The following STPG2 variants were observed in gnomAD, a reference collection of about 807,000 sequenced individuals.
STPG2 encodes sperm tail PG-rich repeat containing 2, also known as sperm-tail PG-rich repeat-containing protein 2.
A neutral mutation model predicts 54.2 loss-of-function variants in STPG2; 56 were observed. That is an observed-to-expected ratio of 1.03 (90% CI 0.83 to 1.29). The LOEUF is 1.29. STPG2 is among the 50% of genes most tolerant of loss of function. STPG2 has a pLI of 0.00. For missense variants in STPG2, 596 were observed against 544.9 expected, an observed-to-expected ratio of 1.09 and a Z score of -0.93; for synonymous variants, 200 against 181.8, an observed-to-expected ratio of 1.10 and a Z score of -0.81.
chr4:97,651,054 A>C (rs1508464), intron 10 of STPG2, among the ~76,000 whole-genome samples: 91,098 of 151,732 alleles, frequency 0.6, 27,915 homozygotes, highest in African/African-American at 0.72. Context: ...GTATAGTAAA[A>C]CATTCTTGCT....
chr4:97,794,274 C>T (rs1460510208), intron 9 of STPG2, among the ~76,000 whole-genome samples: 1 of 151,952 alleles, frequency 6.6e-6, no homozygotes, highest in Admixed American at 6.6e-5. Context: ...AAATGCAAAT[C>T]CCTCTCTTAG....
chr4:97,915,382 T>C (rs981500400), intron 8 of STPG2, among the ~76,000 whole-genome samples: 7 of 152,132 alleles, frequency 4.6e-5, no homozygotes, highest in Non-Finnish European at 1.0e-4. Context: ...ATCCATTTTA[T>C]ATAGGGAGAA....
intron 9 of STPG2, among the ~76,000 whole-genome samples, chr4:97,812,231 C>T (rs1727762306): frequency 6.6e-6 from 1 of 151,900 alleles, no homozygotes; most frequent in Non-Finnish European, 1.5e-5. Flanking sequence ...TTACATATTA[C>T]CAGATCTTAC....
intron 8 of STPG2, among the ~76,000 whole-genome samples, chr4:97,872,236 G>T (rs1730016679): frequency 6.6e-6 from 1 of 151,092 alleles, no homozygotes; most frequent in Non-Finnish European, 1.5e-5. Flanking sequence ...GAAGAAAAAA[G>T]GTAAGTGTTA....
At chr4:97,526,915 C>T (rs993688232) in intron 4 of STPG2, among the ~76,000 whole-genome samples, 2 of 151,762 alleles carry the variant, frequency 1.3e-5, no homozygotes, top group Non-Finnish European at 2.9e-5. Context: ...TTTCCCAGCA[C>T]CATTTATTAA....
chr4:97,738,420 T>C (rs1725097548), intron 9 of STPG2, among the ~76,000 whole-genome samples: 7 of 152,048 alleles, frequency 4.6e-5, no homozygotes, highest in South Asian at 2.1e-4. Flanking sequence ...GACTGGCAAA[T>C]TGGATAAAGA....
intron 8 of STPG2, among the ~76,000 whole-genome samples, chr4:97,904,433 C>A (rs557778148): frequency 8.1e-4 from 124 of 152,156 alleles, no homozygotes; most frequent in Non-Finnish European, 1.5e-3. Flanking sequence ...GAAAGGATAT[C>A]CACACCAAAA....
chr4:97,939,726 C>T (rs559774211), intron 8 of STPG2, among the ~76,000 whole-genome samples: 1 of 152,180 alleles, frequency 6.6e-6, no homozygotes, highest in Non-Finnish European at 1.5e-5. Flanking sequence ...TTGAAAACAG[C>T]ATACAATTGG....
intron 4 of STPG2, among the ~76,000 whole-genome samples, chr4:97,502,446 T>C (rs1730746021): frequency 6.6e-6 from 1 of 151,928 alleles, no homozygotes; most frequent in South Asian, 2.1e-4. Context: ...TGAGTGAAAA[T>C]TGTTATCCAA....
intron 7 of STPG2, among the ~76,000 whole-genome samples, chr4:97,960,651 G>C (rs543264556): frequency 6.6e-6 from 1 of 152,058 alleles, no homozygotes; most frequent in East Asian, 1.9e-4. Flanking sequence ...GGAGGTGAAA[G>C]ACCTCTACAA....
intron 5 of STPG2, among the ~76,000 whole-genome samples, chr4:98,054,949 T>C (rs1233104883): frequency 6.6e-6 from 1 of 152,106 alleles, no homozygotes; most frequent in Non-Finnish European, 1.5e-5. Context: ...AACCCTTTAC[T>C]CTCCAGAAAA....
intron 10 of STPG2, among the ~76,000 whole-genome samples, chr4:97,650,136 C>T (rs1316755013): frequency 6.6e-6 from 1 of 152,094 alleles, no homozygotes; most frequent in Non-Finnish European, 1.5e-5. Context: ...GGAGGCAGAA[C>T]TCAGGCAGTA....
chr4:97,823,159 T>C (rs533461816), intron 9 of STPG2, among the ~76,000 whole-genome samples: 4 of 152,326 alleles, frequency 2.6e-5, no homozygotes, highest in South Asian at 2.1e-4. Context: ...GGCTACACTA[T>C]GCAAAAGATT....
chr4:97,721,119 G>C (rs1724435069), intron 9 of STPG2, among the ~76,000 whole-genome samples: 1 of 152,020 alleles, frequency 6.6e-6, no homozygotes, highest in Non-Finnish European at 1.5e-5. Context: ...GCAAGGAACA[G>C]CCTCACTCAT....
chr4:97,965,945 C>G (rs547092430), intron 7 of STPG2, among the ~76,000 whole-genome samples: 2 of 152,120 alleles, frequency 1.3e-5, no homozygotes, highest in African/African-American at 4.8e-5. Context: ...TTCTAAAAAC[C>G]AGAGTGCCTC....
At chr4:97,541,743 A>T (rs1430348972) in intron 4 of STPG2, among the ~76,000 whole-genome samples, 1 of 152,220 alleles carries the variant, frequency 6.6e-6, no homozygotes, top group African/African-American at 2.4e-5. Flanking sequence ...ACAGTAACCA[A>T]AACAGCATGG....
intron 10 of STPG2, among the ~76,000 whole-genome samples, chr4:97,693,001 A>G (rs567260930): frequency 2.0e-5 from 3 of 152,202 alleles, no homozygotes; most frequent in Non-Finnish European, 4.4e-5. Flanking sequence ...AGATGCTGAG[A>G]GAATTTGCCA....
intron 9 of STPG2, among the ~76,000 whole-genome samples, chr4:97,770,309 A>G (rs1419094367): frequency 1.3e-5 from 2 of 152,218 alleles, no homozygotes; most frequent in Admixed American, 1.3e-4. Context: ...TTATCAGGAA[A>G]GGCTTCACTG....
chr4:98,117,722 G>GT (rs1346523997), intron 3 of STPG2, among the ~76,000 whole-genome samples: 1 of 151,968 alleles, frequency 6.6e-6, no homozygotes, highest in Non-Finnish European at 1.5e-5. Context: ...CCTCTAGAAA[G>GT]TTTTTCATTT....
Sources: gnomAD v4.1 joint callset for allele counts (sites outside exome capture counted in the v4.1 genomes callset) on GRCh38, gnomAD v4.1.1 for gene constraint, MANE v1.5 for transcripts, NCBI Gene and HGNC (gene_info 2026-07-23, HGNC 2026-07-21) for gene names.